The following DMD variants were observed in gnomAD, a reference collection of about 807,000 sequenced individuals.
DMD encodes the protein mutant dystrophin.
In DMD, 63 loss-of-function variants were observed where a neutral mutation model predicts 330.1. That is an observed-to-expected ratio of 0.19 (90% confidence interval 0.16 to 0.24). The LOEUF is 0.24. Among genes scored for constraint, DMD ranks in the 10% least tolerant of loss-of-function variants. The pLI is 1.00. For missense variants in DMD, 3,344 were observed against 2,684.1 expected, an observed-to-expected ratio of 1.25 and a Z score of -5.43; for synonymous variants, 1,223 against 959.8, an observed-to-expected ratio of 1.27 and a Z score of -5.07.
chrX:31,364,030 T>C (rs1461272269), intron 60 of DMD, among the ~76,000 whole-genome samples: 1 of 112,587 alleles, frequency 8.9e-6, no homozygotes, highest in Non-Finnish European at 1.9e-5. Flanking sequence ...CAGTCCCGAG[T>C]TATATACAGA....
At chrX:32,382,617 AT>A (rs5902030) in intron 33 of DMD, among the ~76,000 whole-genome samples, 45,449 of 101,720 alleles carry the variant, frequency 0.45, 7,851 homozygotes, top group East Asian at 0.81. Context: ...TTTCCCTTCT[AT>A]TTTTTTTTTT....
chrX:33,330,262 T>C (rs2054151552), intron 1 of DMD, among the ~76,000 whole-genome samples: 1 of 111,173 alleles, frequency 9.0e-6, no homozygotes, highest in African/African-American at 3.3e-5. Flanking sequence ...TAGGAGGAGT[T>C]GGGTGTGAGG....
At chrX:33,173,694 G>A (rs971199719) in intron 1 of DMD, among the ~76,000 whole-genome samples, 2 of 110,719 alleles carry the variant, frequency 1.8e-5, no homozygotes, top group African/African-American at 6.6e-5. Flanking sequence ...GAAGAACTTG[G>A]CAATCCAAGC....
chrX:32,898,677 A>G (rs998237895), intron 2 of DMD, among the ~76,000 whole-genome samples: 1 of 111,697 alleles, frequency 9.0e-6, no homozygotes. Context: ...GTCCTTTGTA[A>G]ACTGTCATGG....
chrX:32,526,087 A>C (rs1166822342), intron 17 of DMD, among the ~76,000 whole-genome samples: 1 of 111,705 alleles, frequency 9.0e-6, no homozygotes, highest in Non-Finnish European at 1.9e-5. Flanking sequence ...CTTAGTGCTT[A>C]ACTTACTTTC....
intron 13 of DMD, among the ~76,000 whole-genome samples, chrX:32,582,003 G>T (rs2053704981): frequency 8.9e-6 from 1 of 111,743 alleles, no homozygotes; most frequent in South Asian, 3.7e-4. Context: ...GCATCCGGTA[G>T]TGATAAAACC....
At chrX:31,266,043 C>A (rs1353869719) in intron 62 of DMD, among the ~76,000 whole-genome samples, 2 of 106,001 alleles carry the variant, frequency 1.9e-5, no homozygotes, top group South Asian at 4.3e-4. Context: ...GTGTTCTGCC[C>A]TTTTTATTGC....
intron 50 of DMD, among the ~76,000 whole-genome samples, chrX:31,802,456 G>T (rs1033098708): frequency 1.8e-5 from 2 of 111,593 alleles, no homozygotes; most frequent in Non-Finnish European, 3.8e-5. Flanking sequence ...TAAGACTACT[G>T]TAACAGTCCA....
rs765421202 is a variant in DMD, at chrX:32,871,946, GTCAAAGCAGGCGAGAC to G, written c.94-22142_94-22127del. ...AGGTTAAGGCATGAATGAGTCAGGT[GTCAAAGCAGGCGAGAC>G]TGAAAGTATGCTTCTGGGCACTCCA... is the stretch of plus-strand genomic sequence containing the variant. On this transcript the variant is annotated intron_variant, in intron 2 of 78. Coordinates refer to ENST00000357033, the MANE Select transcript of DMD (RefSeq NM_004006.3). Among the ~76,000 whole-genome samples, 581 of 111,083 alleles carry G rather than the reference GTCAAAGCAGGCGAGAC, an allele frequency of 5.2e-3. 1 individual carries two copies. The highest frequency in any genetic ancestry group is 7.0e-3 in the Non-Finnish European group (370 of 52,994).
chrX:32,916,507 T>C (rs748443461), intron 2 of DMD, among the ~76,000 whole-genome samples: 1 of 111,880 alleles, frequency 8.9e-6, no homozygotes, highest in Admixed American at 9.5e-5. Context: ...TTACTTTACC[T>C]CTGACAGTAG....
chrX:32,604,316 T>C (rs2056490562), intron 12 of DMD, among the ~76,000 whole-genome samples: 2 of 110,183 alleles, frequency 1.8e-5, no homozygotes, highest in Admixed American at 9.7e-5. Flanking sequence ...ATCATCTCAA[T>C]AGATGCAGAA....
chrX:33,161,126 C>A (rs2048752229), intron 1 of DMD, among the ~76,000 whole-genome samples: 1 of 111,149 alleles, frequency 9.0e-6, no homozygotes, highest in Non-Finnish European at 1.9e-5. Context: ...CCCAATCCTA[C>A]AGATGAGGAA....
At chrX:31,449,619 G>A (rs373907764) in intron 59 of DMD, among the ~76,000 whole-genome samples, 20 of 107,843 alleles carry the variant, frequency 1.9e-4, no homozygotes, top group African/African-American at 6.1e-4. Context: ...GAAAGTAGAG[G>A]GGTCAGTTGT....
At chrX:31,322,977 C>A (rs1295501595) in intron 62 of DMD, among the ~76,000 whole-genome samples, 3 of 111,694 alleles carry the variant, frequency 2.7e-5, no homozygotes, top group Non-Finnish European at 3.8e-5. Context: ...CACGTTGACC[C>A]AATGTATTGT....
At chrX:31,769,405 T>C (rs1035932994) in intron 51 of DMD, among the ~76,000 whole-genome samples, 3 of 112,243 alleles carry the variant, frequency 2.7e-5, no homozygotes, top group Non-Finnish European at 5.6e-5. Context: ...GTACGTGTCA[T>C]GGTCAAACAA....
intron 74 of DMD, among the ~76,000 whole-genome samples, chrX:31,160,730 A>G (rs56858970): frequency 0.11 from 12,438 of 110,800 alleles, 1,247 homozygotes; most frequent in African/African-American, 0.31. Flanking sequence ...TTTTTCTCAG[A>G]GTATCTCAGT....
intron 7 of DMD, among the ~76,000 whole-genome samples, chrX:32,727,628 T>G (rs939856401): frequency 1.8e-5 from 2 of 110,780 alleles, no homozygotes; most frequent in East Asian, 5.7e-4. Context: ...AAACATGACT[T>G]TCCTAATTTA....
chrX:31,346,828 G>A (rs1432302967), intron 61 of DMD, among the ~76,000 whole-genome samples: 1 of 106,593 alleles, frequency 9.4e-6, no homozygotes, highest in African/African-American at 3.4e-5. Context: ...GTGAAGCCTC[G>A]TCTCTACTAA....
At chrX:31,959,769 GTTTT>G (rs201621257) in intron 45 of DMD, among the ~76,000 whole-genome samples, 2 of 80,886 alleles carry the variant, frequency 2.5e-5, no homozygotes, top group African/African-American at 4.9e-5. Flanking sequence ...CAGCACCGTG[GTTTT>G]TTTTTTTTTT....
Sources: allele counts gnomAD v4.1 joint callset (sites outside exome capture counted in the v4.1 genomes callset), GRCh38; gene constraint gnomAD v4.1.1; transcripts MANE v1.5; gene names NCBI Gene and HGNC (gene_info 2026-07-23, HGNC 2026-07-21).